Variants in SUPT3H observed in about 807,000 individuals in gnomAD.
SUPT3H encodes transcription initiation protein SPT3 homolog.
Under a neutral mutation model 44.3 loss-of-function variants are expected in SUPT3H, and 44 were observed. That is an observed-to-expected ratio of 0.99 (90% CI 0.78 to 1.28). SUPT3H has a LOEUF of 1.28. Among genes scored for constraint, SUPT3H ranks in the 50% most tolerant of loss-of-function variants. The pLI, the probability that SUPT3H is intolerant of heterozygous loss-of-function variation, is 0.00. For missense variants in SUPT3H, 380 were observed against 387.1 expected (o/e 0.98, Z 0.15); for synonymous variants, 124 against 125.6 (o/e 0.99, Z 0.09).
At chr6:45,281,892 T>C (rs962918541) in intron 2 of SUPT3H, among the ~76,000 whole-genome samples, 2 of 152,044 alleles carry the variant, frequency 1.3e-5, no homozygotes, top group South Asian at 4.1e-4. Flanking sequence ...AGACAAAACT[T>C]CCAGAGGAAC....
At chr6:45,017,187 G>A (rs1784422852) in intron 4 of SUPT3H, among the ~76,000 whole-genome samples, 1 of 150,546 alleles carries the variant, frequency 6.6e-6, no homozygotes, top group Admixed American at 6.6e-5. Flanking sequence ...CTTTTTGATG[G>A]GGTTGTTTGT....
chr6:45,061,601 A>G (rs1792045321), intron 3 of SUPT3H, among the ~76,000 whole-genome samples: 4 of 152,346 alleles, frequency 2.6e-5, no homozygotes, highest in Admixed American at 2.0e-4. Context: ...AACTTAAAAT[A>G]AAAGTTGAAG....
chr6:44,860,188 C>A (rs928730674), intron 10 of SUPT3H, among the ~76,000 whole-genome samples: 3 of 152,170 alleles, frequency 2.0e-5, no homozygotes, highest in Non-Finnish European at 2.9e-5. Flanking sequence ...CATTCAAATT[C>A]CCAGACTGTG....
intron 10 of SUPT3H, among the ~76,000 whole-genome samples, chr6:44,914,817 T>A (rs1337271218): frequency 6.6e-6 from 1 of 152,160 alleles, no homozygotes; most frequent in African/African-American, 2.4e-5. Flanking sequence ...CCCAAGATGA[T>A]TAAGACGCAG....
chr6:44,991,118 A>G (rs920009771), intron 6 of SUPT3H, among the ~76,000 whole-genome samples: 108 of 152,218 alleles, frequency 7.1e-4, no homozygotes, highest in African/African-American at 2.6e-3. Flanking sequence ...AAGGTAGGAC[A>G]TGTAAAAGTA....
chr6:45,087,958 G>A (rs1796680078), intron 3 of SUPT3H, among the ~76,000 whole-genome samples: 1 of 151,916 alleles, frequency 6.6e-6, no homozygotes, highest in African/African-American at 2.4e-5. Flanking sequence ...AGGATTTGCT[G>A]GATAAAAATA....
In SUPT3H at chr6:44,954,029, C is replaced by T. The variant is rs567918824; in HGVS notation, c.693+466G>A. Among the ~76,000 whole-genome samples, 311 of 152,260 alleles carry T rather than the reference C, an allele frequency of 2.0e-3. 2 individuals are homozygous for T. The highest frequency in any genetic ancestry group is 0.017 in the South Asian group (80 of 4,822). ...TTGGGATTACAGGCAAGAGCCACCGCGCCTGGCCAGAATTTGCATTTTAAA... is the reference window on the plus strand; with the variant it reads ...TTGGGATTACAGGCAAGAGCCACCGTGCCTGGCCAGAATTTGCATTTTAAA... On this transcript the variant is annotated intron_variant, in intron 8 of 10. Transcript: ENST00000371459.
chr6:45,017,578 C>G (rs1583076160), intron 4 of SUPT3H, among the ~76,000 whole-genome samples: 1 of 152,062 alleles, frequency 6.6e-6, no homozygotes, highest in East Asian at 1.9e-4. Flanking sequence ...AGCCAGTTTT[C>G]CCAGCACCAT....
intron 2 of SUPT3H, among the ~76,000 whole-genome samples, chr6:45,341,412 A>C (rs892865973): frequency 5.3e-5 from 8 of 152,192 alleles, no homozygotes; most frequent in African/African-American, 1.9e-4. Context: ...ACCTATATTT[A>C]ACTTGATAGG....
intron 10 of SUPT3H, among the ~76,000 whole-genome samples, chr6:44,863,775 C>CT (rs1775046732): frequency 1.3e-5 from 2 of 152,064 alleles, no homozygotes; most frequent in Admixed American, 6.5e-5. Flanking sequence ...TTCCACGTGG[C>CT]TAGGGAGACC....
intron 2 of SUPT3H, among the ~76,000 whole-genome samples, chr6:45,302,558 C>T (rs201503111): frequency 0.01 from 745 of 73,406 alleles, 23 homozygotes; most frequent in South Asian, 0.022. Flanking sequence ...TATATATATG[C>T]ATGCCACAAT....
chr6:45,291,247 AG>A (rs1780271820), intron 2 of SUPT3H, among the ~76,000 whole-genome samples: 1 of 152,154 alleles, frequency 6.6e-6, no homozygotes, highest in Non-Finnish European at 1.5e-5. Flanking sequence ...GAAAAGGGGG[AG>A]AGTACTACAT....
At chr6:44,963,377 C>G (rs922155529) in intron 6 of SUPT3H, among the ~76,000 whole-genome samples, 1 of 152,106 alleles carries the variant, frequency 6.6e-6, no homozygotes, top group African/African-American at 2.4e-5. Context: ...GTAATCCCAG[C>G]TACTTGGAAG....
At chr6:45,019,817 T>G (rs1784856035) in intron 4 of SUPT3H, among the ~76,000 whole-genome samples, 1 of 151,998 alleles carries the variant, frequency 6.6e-6, no homozygotes. Context: ...AAGTAAATCA[T>G]ATAGATACCC....
At chr6:45,230,662 CTATATATATATATA>C (rs66480751) in intron 2 of SUPT3H, among the ~76,000 whole-genome samples, 4 of 68,744 alleles carry the variant, frequency 5.8e-5, no homozygotes, top group South Asian at 1.3e-3. Context: ...TTCATTCAGT[CTATATATATATATA>C]TATATATATA....
At chr6:45,014,690 C>G in intron 5 of SUPT3H, 111 bp downstream of exon 5, 1 of 607,842 alleles carries the variant, frequency 1.6e-6, no homozygotes, top group Non-Finnish European at 2.6e-6. Flanking sequence ...GATTTGTTGA[C>G]AGTAAACAAA....
intron 2 of SUPT3H, among the ~76,000 whole-genome samples, chr6:45,220,040 C>CAAAAAAAAAAAAAAAAAAAAAAAAAA: frequency 3.0e-5 from 1 of 33,022 alleles, no homozygotes; most frequent in African/African-American, 1.4e-4. Flanking sequence ...GACTCTGTCT[C>CAAAAAAAAAAAAAAAAAAAAAAAAAA]AAAAAAAAAA....
chr6:45,080,843 T>G (rs1026118933), intron 3 of SUPT3H, among the ~76,000 whole-genome samples: 3 of 151,786 alleles, frequency 2.0e-5, no homozygotes, highest in Admixed American at 1.3e-4. Flanking sequence ...AAAGAATAAA[T>G]AAGGTCTAGT....
At chr6:44,902,598 A>T (rs980637692) in intron 10 of SUPT3H, among the ~76,000 whole-genome samples, 18 of 152,190 alleles carry the variant, frequency 1.2e-4, no homozygotes, top group African/African-American at 4.1e-4. Context: ...TTAACACCCC[A>T]CTGTCAATAT....
Sources: allele counts gnomAD v4.1 joint callset (sites outside exome capture counted in the v4.1 genomes callset), GRCh38; gene constraint gnomAD v4.1.1; transcripts MANE v1.5; gene names NCBI Gene and HGNC (gene_info 2026-07-23, HGNC 2026-07-21).